FANK1: variants seen among roughly 807,000 people sequenced by gnomAD.
FANK1 encodes fibronectin type III and ankyrin repeat domains 1.
A neutral mutation model predicts 45.3 loss-of-function variants in FANK1; 44 were observed. The ratio of observed to expected loss-of-function variants is 0.97; its 90% CI spans 0.76 to 1.25. The LOEUF (loss-of-function observed/expected upper bound fraction) is 1.25. Among genes scored for constraint, FANK1 ranks in the 50% most tolerant of loss-of-function variants. The pLI is 0.00. For synonymous variants in FANK1, 149 were observed against 152.5 expected, an observed-to-expected ratio of 0.98 and a Z score of 0.17; for missense variants, 391 against 424.4, an observed-to-expected ratio of 0.92 and a Z score of 0.69.
intron 1 of FANK1, among the ~76,000 whole-genome samples, chr10:125,959,268 G>A (rs1045120555): frequency 3.3e-5 from 5 of 151,812 alleles, no homozygotes; most frequent in Admixed American, 6.6e-5. Context: ...TTAGCTGGGC[G>A]TTGTGGCATG....
chr10:126,004,818 TA>T, intron 6 of FANK1, 65 bp from the exon 7 acceptor site: 3 of 1,557,642 alleles, frequency 1.9e-6, no homozygotes, highest in Non-Finnish European at 2.6e-6. Flanking sequence ...CCAGGTAGGG[TA>T]AAAGGTGGAG....
intron 1 of FANK1, among the ~76,000 whole-genome samples, chr10:125,956,437 G>A (rs1390862240): frequency 6.6e-6 from 1 of 152,130 alleles, no homozygotes; most frequent in Non-Finnish European, 1.5e-5. Flanking sequence ...TAGAAAATGG[G>A]AAGGAGCAGG....
intron 1 of FANK1, among the ~76,000 whole-genome samples, chr10:125,910,483 A>G (rs946835736): frequency 3.9e-5 from 6 of 152,232 alleles, no homozygotes; most frequent in African/African-American, 1.4e-4. Context: ...AATTTCTGGT[A>G]TATCATTCCA....
intron 2 of FANK1, among the ~76,000 whole-genome samples, chr10:125,985,927 C>G (rs1328559543): frequency 2.0e-5 from 3 of 152,146 alleles, no homozygotes; most frequent in South Asian, 4.1e-4. Context: ...CTTTCTCTAA[C>G]AGGGAAGTTG....
intron 1 of FANK1, among the ~76,000 whole-genome samples, chr10:125,946,027 ACAGACCTG>A (rs1409072175): frequency 6.6e-6 from 1 of 152,154 alleles, no homozygotes; most frequent in Admixed American, 6.5e-5. Context: ...GGGTATTCCA[ACAGACCTG>A]CAGCTGAGGG....
intron 1 of FANK1, among the ~76,000 whole-genome samples, chr10:125,913,086 A>G (rs1946157235): frequency 6.6e-6 from 1 of 152,258 alleles, no homozygotes; most frequent in African/African-American, 2.4e-5. Context: ...TTGTTTCCTG[A>G]AAACAGAAAA....
At chr10:125,966,573 T>C (rs1950211712) in intron 1 of FANK1, among the ~76,000 whole-genome samples, 1 of 152,154 alleles carries the variant, frequency 6.6e-6, no homozygotes, top group African/African-American at 2.4e-5. Flanking sequence ...GTGTGCTGAA[T>C]GAATGGGTGT....
At chr10:125,939,431 A>G (rs912893263) in intron 1 of FANK1, among the ~76,000 whole-genome samples, 1 of 152,246 alleles carries the variant, frequency 6.6e-6, no homozygotes, top group African/African-American at 2.4e-5. Context: ...GAGAAGCATT[A>G]TGATATTTGT....
At chr10:125,945,472 G>A (rs1407842444) in intron 1 of FANK1, among the ~76,000 whole-genome samples, 1 of 152,230 alleles carries the variant, frequency 6.6e-6, no homozygotes, top group Non-Finnish European at 1.5e-5. Context: ...CCCTTTCCGA[G>A]TCAAAGAAAG....
At chr10:125,914,680 C>T (rs893038421) in intron 1 of FANK1, among the ~76,000 whole-genome samples, 6 of 152,184 alleles carry the variant, frequency 3.9e-5, no homozygotes, top group African/African-American at 1.4e-4. Context: ...AAATCTTCCT[C>T]ATCCCCCCAA....
At chr10:125,939,337 C>T (rs181071913) in intron 1 of FANK1, among the ~76,000 whole-genome samples, 10 of 151,982 alleles carry the variant, frequency 6.6e-5, no homozygotes, top group Non-Finnish European at 7.4e-5. Context: ...ACTACATATT[C>T]GATAATATTA....
intron 1 of FANK1, among the ~76,000 whole-genome samples, chr10:125,964,542 C>T (rs867351946): frequency 2.0e-5 from 3 of 152,056 alleles, no homozygotes; most frequent in Admixed American, 1.3e-4. Flanking sequence ...TTTTGTGATT[C>T]GACCTTACCC....
At chr10:125,976,328 C>T (rs1235757224) in intron 1 of FANK1, among the ~76,000 whole-genome samples, 1 of 151,932 alleles carries the variant, frequency 6.6e-6, no homozygotes, top group African/African-American at 2.4e-5. Context: ...GCAGGAGTTC[C>T]CTGTATTTCC....
intron 1 of FANK1, among the ~76,000 whole-genome samples, chr10:125,966,410 G>A (rs554195298): frequency 1.3e-5 from 2 of 152,078 alleles, no homozygotes; most frequent in East Asian, 1.9e-4. Flanking sequence ...TTTTGAACAC[G>A]TCTTCCTGTA....
chr10:125,922,816 T>C (rs1947040653), intron 1 of FANK1, among the ~76,000 whole-genome samples: 1 of 152,214 alleles, frequency 6.6e-6, no homozygotes, highest in Non-Finnish European at 1.5e-5. Flanking sequence ...ACCTGGCCAG[T>C]ACATCTTAAA....
intron 1 of FANK1, among the ~76,000 whole-genome samples, chr10:125,964,267 G>T (rs1368095015): frequency 1.5e-5 from 2 of 134,888 alleles, no homozygotes; most frequent in African/African-American, 5.7e-5. Flanking sequence ...ATCTCTGCTC[G>T]CTGCAACCTC....
intron 1 of FANK1, among the ~76,000 whole-genome samples, chr10:125,927,211 G>A (rs1439298506): frequency 1.4e-4 from 22 of 152,140 alleles, no homozygotes; most frequent in Admixed American, 3.9e-4. Flanking sequence ...TGGCTCAAGC[G>A]ATCCTCCCAC....
chr10:125,940,578 G>A (rs1370867322), intron 1 of FANK1, among the ~76,000 whole-genome samples: 1 of 152,016 alleles, frequency 6.6e-6, no homozygotes, highest in Non-Finnish European at 1.5e-5. Context: ...CCAGGGGCAC[G>A]CAGGAGACAG....
At chr10:125,940,158 CACAGAG>C (rs971985437) in intron 1 of FANK1, among the ~76,000 whole-genome samples, 41 of 152,222 alleles carry the variant, frequency 2.7e-4, no homozygotes, top group African/African-American at 7.7e-4. Flanking sequence ...ATAAATAAGA[CACAGAG>C]ACAAAGTATA....
Sources: allele counts gnomAD v4.1 joint callset (sites outside exome capture counted in the v4.1 genomes callset), GRCh38; gene constraint gnomAD v4.1.1; transcripts MANE v1.5; gene names NCBI Gene and HGNC (gene_info 2026-07-23, HGNC 2026-07-21).